Variants in VEPH1 observed in about 807,000 individuals in gnomAD.
The protein encoded by VEPH1 is ventricular zone expressed PH domain containing 1.
Under a neutral mutation model 85.2 loss-of-function variants are expected in VEPH1, and 80 were observed. That is an observed-to-expected ratio of 0.94 (90% CI 0.78 to 1.13). VEPH1 has a LOEUF of 1.13. VEPH1 is among the 50% of genes most tolerant of loss of function. The pLI is 0.00. For synonymous variants in VEPH1, 297 were observed against 348.0 expected, an observed-to-expected ratio of 0.85 and a Z score of 1.63; for missense variants, 955 against 980.5, an observed-to-expected ratio of 0.97 and a Z score of 0.35.
At chr3:157,307,355 G>A (rs1320234055) in intron 11 of VEPH1, among the ~76,000 whole-genome samples, 1 of 151,704 alleles carries the variant, frequency 6.6e-6, no homozygotes, top group African/African-American at 2.4e-5. Flanking sequence ...GATAACTTTC[G>A]ATATTTTCTT....
chr3:157,378,060 G>A (rs1271426408), intron 7 of VEPH1, among the ~76,000 whole-genome samples: 1 of 151,972 alleles, frequency 6.6e-6, no homozygotes, highest in African/African-American at 2.4e-5. Flanking sequence ...TGTTAGCCAT[G>A]GCTTGGAGAA....
chr3:157,337,720 T>C (rs956729123), intron 9 of VEPH1, among the ~76,000 whole-genome samples: 1 of 152,192 alleles, frequency 6.6e-6, no homozygotes, highest in Non-Finnish European at 1.5e-5. Flanking sequence ...AGCTGTGCTG[T>C]TATAATAGAT....
chr3:157,308,730 A>C (rs1719785750), intron 11 of VEPH1, among the ~76,000 whole-genome samples: 1 of 151,996 alleles, frequency 6.6e-6, no homozygotes, highest in Admixed American at 6.6e-5. Flanking sequence ...TTTTTGTCAT[A>C]TTTGCTATTT....
In VEPH1 at chr3:157,261,104, G is replaced by T; in HGVS notation, c.*30C>A. 1 of 1,608,216 alleles carries T rather than the reference G, an allele frequency of 6.2e-7. No individual in the cohort carries two copies. On this transcript the variant is annotated 3_prime_UTR_variant, in exon 14 of 14. Coordinates refer to ENST00000362010, the MANE Select transcript of VEPH1 (RefSeq NM_001167912.2). Reference sequence around the variant, plus strand: ...GCAATGATAATACAATGCCTGTGGTGTATAATTGTCATGGCTGACTTATAA... The same window carrying T: ...GCAATGATAATACAATGCCTGTGGTTTATAATTGTCATGGCTGACTTATAA...
intron 9 of VEPH1, among the ~76,000 whole-genome samples, chr3:157,345,066 T>G (rs950264943): frequency 1.3e-5 from 2 of 152,106 alleles, no homozygotes; most frequent in African/African-American, 4.8e-5. Context: ...CCTAAAACCA[T>G]AAAAACCCTA....
At chr3:157,312,123 T>C (rs1038737552) in intron 11 of VEPH1, among the ~76,000 whole-genome samples, 1 of 152,184 alleles carries the variant, frequency 6.6e-6, no homozygotes, top group African/African-American at 2.4e-5. Flanking sequence ...TCATTTGTAT[T>C]ATGAATTTGT....
chr3:157,342,007 C>A (rs1018937567), intron 9 of VEPH1, among the ~76,000 whole-genome samples: 11 of 152,180 alleles, frequency 7.2e-5, no homozygotes, highest in Admixed American at 3.9e-4. Context: ...GCCTGCCCTA[C>A]AAGAGCTCCT....
intron 12 of VEPH1, among the ~76,000 whole-genome samples, chr3:157,283,586 T>C (rs1716409666): frequency 6.6e-6 from 1 of 152,206 alleles, no homozygotes; most frequent in African/African-American, 2.4e-5. Context: ...TGAGACTTAC[T>C]TGAAGACAGG....
At chr3:157,497,860 C>T (rs1397077932) in intron 1 of VEPH1, among the ~76,000 whole-genome samples, 1 of 152,182 alleles carries the variant, frequency 6.6e-6, no homozygotes, top group Non-Finnish European at 1.5e-5. Context: ...TTGTTTAACA[C>T]ACAGCCATAC....
At chr3:157,301,833 T>G (rs76709597) in intron 11 of VEPH1, among the ~76,000 whole-genome samples, 1 of 152,220 alleles carries the variant, frequency 6.6e-6, no homozygotes, top group East Asian at 1.9e-4. Flanking sequence ...TGCTTCAGTC[T>G]TCCCATGGTT....
Position 157,363,412 on chromosome 3 carries a change from T to A in VEPH1, c.1687A>T (p.Met563Leu). 1 of 1,611,426 alleles carries A rather than the reference T, an allele frequency of 6.2e-7. No individual in the cohort carries two copies. Among genetic ancestry groups the A allele is most frequent in the Non-Finnish European group, 8.5e-7 (1 of 1,179,398 alleles). The change falls in exon 9 of 14, where the codon ATG becomes TTG. Residue 563 changes from methionine to leucine, a missense_variant. Physicochemically the swap from Met to Leu is conservative, Grantham distance 15. Transcript: ENST00000362010. ...KNLSKVKAYAMEIGKKIPVPD... is the reference protein window; with the variant it reads ...KNLSKVKAYALEIGKKIPVPD... ...ACTGGAATCTTCTTTCCAATTTCCATGGCATATGCTTTCACTTTGCTGAGG... is the reference window on the plus strand; with the variant it reads ...ACTGGAATCTTCTTTCCAATTTCCAAGGCATATGCTTTCACTTTGCTGAGG...
rs138076442 is a variant in VEPH1 at position 157,413,962 on chromosome 3, C to T, written c.825G>A (p.Met275Ile). 567 of 1,613,632 alleles carry T rather than the reference C, an allele frequency of 3.5e-4. 2 individuals carry two copies. The Middle Eastern group carries it at 7.1e-3, about 20-fold the overall frequency. Residue 275 changes from methionine to isoleucine, a missense_variant, in exon 6 of 14, where the codon ATG (methionine) becomes ATA (isoleucine). Met to Ile is a conservative substitution (Grantham distance 10). Coordinates refer to ENST00000362010, the MANE Select transcript of VEPH1 (RefSeq NM_001167912.2). Reference protein sequence around the residue: ...EPVALNSFLPMLKEIGERFPY... With the variant: ...EPVALNSFLPILKEIGERFPY... ...GGAATCTCTCACCAATCTCTTTCAG[C>T]ATTGGAAGAAAACTGTTCAAAGCCA...
At chr3:157,461,453 T>C (rs1215292285) in intron 3 of VEPH1, among the ~76,000 whole-genome samples, 1 of 152,242 alleles carries the variant, frequency 6.6e-6, no homozygotes, top group African/African-American at 2.4e-5. Flanking sequence ...AAGTTCTGTG[T>C]TGCTTGTCCC....
At chr3:157,303,744 G>A (rs1719099889) in intron 11 of VEPH1, among the ~76,000 whole-genome samples, 1 of 151,900 alleles carries the variant, frequency 6.6e-6, no homozygotes, top group South Asian at 2.1e-4. Context: ...GCTTCTTAGG[G>A]TAGACTCTCA....
intron 9 of VEPH1, among the ~76,000 whole-genome samples, chr3:157,329,162 CTTG>C (rs778568307): frequency 4.6e-5 from 7 of 152,096 alleles, no homozygotes; most frequent in Non-Finnish European, 8.8e-5. Context: ...TATGTAGAGA[CTTG>C]TTGATAATTT....
At chr3:157,475,164 T>A (rs982702116) in intron 2 of VEPH1, among the ~76,000 whole-genome samples, 2 of 150,188 alleles carry the variant, frequency 1.3e-5, no homozygotes, top group Non-Finnish European at 3.0e-5. Context: ...AATTTTTTTT[T>A]TTTTTTTTGT....
At chr3:157,494,642 T>C (rs762814479) in intron 2 of VEPH1, among the ~76,000 whole-genome samples, 1 of 152,004 alleles carries the variant, frequency 6.6e-6, no homozygotes, top group Non-Finnish European at 1.5e-5. Context: ...GGGATGCAGG[T>C]GGGTAGAAAA....
At chr3:157,370,181 TC>T (rs1387728514) in intron 7 of VEPH1, among the ~76,000 whole-genome samples, 10 of 152,192 alleles carry the variant, frequency 6.6e-5, no homozygotes, top group African/African-American at 2.4e-4. Flanking sequence ...CCTAATTACC[TC>T]CCTCTTGTGT....
chr3:157,342,129 A>C (rs1315675154), intron 9 of VEPH1, among the ~76,000 whole-genome samples: 2 of 152,218 alleles, frequency 1.3e-5, no homozygotes, highest in East Asian at 3.8e-4. Context: ...AACGAGCAAA[A>C]TAACCAGCTA....
Sources: gnomAD v4.1 joint callset for allele counts (sites outside exome capture counted in the v4.1 genomes callset) on GRCh38, gnomAD v4.1.1 for gene constraint, MANE v1.5 for transcripts, NCBI Gene and HGNC (gene_info 2026-07-23, HGNC 2026-07-21) for gene names.